Variants in HECTD4 observed in about 807,000 individuals in gnomAD.
HECTD4 encodes the protein probable E3 ubiquitin-protein ligase HECTD4.
In HECTD4, 114 loss-of-function variants were observed where a neutral mutation model predicts 471.5. That is an observed-to-expected ratio of 0.24 (90% CI 0.21 to 0.28). The LOEUF is 0.28. Ranked by LOEUF, HECTD4 falls within the 10% of genes least tolerant of loss-of-function variation. The pLI, the probability that HECTD4 is intolerant of heterozygous loss-of-function variation, is 1.00. For missense variants in HECTD4, 3,866 were observed against 5,651.5 expected, an observed-to-expected ratio of 0.68 and a Z score of 10.13; for synonymous variants, 2,012 against 2,256.0, an observed-to-expected ratio of 0.89 and a Z score of 3.07.
rs1446389033 is a variant in HECTD4 at position 112,228,074 on chromosome 12, G to T, written c.6854+15C>A. 3.1e-6 allele frequency: 5 copies of T among 1,596,398 alleles called. No homozygotes were observed. In the Admixed American group the frequency reaches 5.2e-5, roughly 17 times the overall value. On this transcript the variant is annotated intron_variant, in intron 43 of 75. Transcript: ENST00000682272. This position sits in a 1 kb window ranked among gnomAD's most constrained non-coding sequence, Gnocchi z 4.9. ...ACCATGTCAGCACATAAGGCAATGT[G>T]GGGAGGGTACTCACCTTGTCCTTAT...
At chr12:112,260,738 G>A (rs971738808) in intron 18 of HECTD4, among the ~76,000 whole-genome samples, 1 of 148,582 alleles carries the variant, frequency 6.7e-6, no homozygotes, top group South Asian at 2.1e-4. Flanking sequence ...CACCATGCCT[G>A]GCTAATTTTT....
At position 112,247,455 on chromosome 12, in the gene HECTD4, G is replaced by A. The variant is rs185099340; in HGVS notation, c.4337+7C>T. On this transcript the variant is annotated splice_region_variant and intron_variant, in intron 28 of 75. Transcript: ENST00000682272. ...TAATAGCCTTAATAGTTATTAATAC[G>A]ACTAACCTCAGTGATAGGACCATGT... 161 of 1,445,310 alleles carry A rather than the reference G, an allele frequency of 1.1e-4. No individual in the cohort carries two copies. Among genetic ancestry groups the A allele is most frequent in the Middle Eastern group, 1.0e-3 (6 of 5,722 alleles). 89.5% of individuals were successfully genotyped at this position (1,445,310 alleles called of 1,614,324 possible).
intron 9 of HECTD4, among the ~76,000 whole-genome samples, chr12:112,277,322 G>T (rs2034546386): frequency 6.6e-6 from 1 of 152,134 alleles, no homozygotes. Flanking sequence ...AGTTTAAAAA[G>T]CAGTCACAGA....
chr12:112,333,791 T>C (rs1334485074), intron 1 of HECTD4, among the ~76,000 whole-genome samples: 1 of 152,212 alleles, frequency 6.6e-6, no homozygotes, highest in East Asian at 1.9e-4. Context: ...CTAGAGGATG[T>C]TGGCAAACCA....
chr12:112,319,323 C>T lies in HECTD4; in HGVS notation c.597G>A (p.Leu199=), dbSNP rs955930763. The T allele has an allele frequency of 2.1e-5, 32 of 1,536,008 alleles. No individual in the cohort carries two copies. The highest frequency in any genetic ancestry group is 2.8e-5 in the Non-Finnish European group (32 of 1,146,918). ...CAGAAGTCTCCTCTAGCCAAGAGCA[C>T]AGCAAAGTTTCAATTCCATTGAGAC... ...ADCLNGIETL[L]CSWLEETSDT... Residue 199 remains leucine (L), a synonymous_variant, in exon 2 of 76, where the codon CTG becomes CTA. Transcript: ENST00000682272. The surrounding 1 kb of genome is among the most constrained non-coding windows in gnomAD (Gnocchi z 5.3).
rs2033914971 is a variant in HECTD4 at position 112,252,491 on chromosome 12, C to T, written c.3485G>A (p.Arg1162Lys). Residue 1162 changes from arginine (R) to lysine (K), a missense_variant, in exon 23 of 76, where the codon AGA (arginine) becomes AAA (lysine). Physicochemically the swap from Arg to Lys is conservative, Grantham distance 26. Coordinates refer to ENST00000682272, the MANE Select transcript of HECTD4 (RefSeq NM_001388303.1). ...GDTVTFSFEM[R>K]SGREHNTPDK... ...AGGAGTGTTGTGTTCACGGCCACTT[C>T]TCATTTCAAAGGAGAAGGTGACTGT... 6.2e-7 allele frequency: 1 copy of T among 1,613,138 alleles called. No homozygotes were observed. Among genetic ancestry groups the T allele is most frequent in the African/African-American group, 1.3e-5 (1 of 74,854 alleles).
At position 112,314,192 on chromosome 12, in the gene HECTD4, C is replaced by A. The variant is rs535849736; in HGVS notation, c.785+265G>T. Among the ~76,000 whole-genome samples, 167 of 152,182 alleles carry A rather than the reference C, an allele frequency of 1.1e-3. 1 individual carries two copies. In the South Asian group the frequency reaches 0.015, roughly 13 times the overall value. Reference sequence around the variant, plus strand: ...TAGCTGGGACCACAGGCACGCACCACCACACTCATGAGTTATTATGCCCCA... The same window carrying A: ...TAGCTGGGACCACAGGCACGCACCAACACACTCATGAGTTATTATGCCCCA... On this transcript the variant is annotated intron_variant, in intron 3 of 75. Coordinates refer to ENST00000682272, the MANE Select transcript of HECTD4 (RefSeq NM_001388303.1).
At position 112,184,292 on chromosome 12, in the gene HECTD4, A is replaced by G. The variant is rs1217169952; in HGVS notation, c.10674T>C (p.Asn3558=). The G allele has an allele frequency of 6.2e-7, 1 of 1,613,486 alleles. No individual in the cohort carries two copies. Among genetic ancestry groups the G allele is most frequent in the Admixed American group, 1.7e-5 (1 of 60,020 alleles). The change falls in exon 61 of 76, where the codon AAT becomes AAC. Residue 3558 remains asparagine (N), a synonymous_variant. Coordinates refer to ENST00000682272, the MANE Select transcript of HECTD4 (RefSeq NM_001388303.1). The surrounding 1 kb of genome is among the most constrained non-coding windows in gnomAD (Gnocchi z 9.1). ...TGTCCGACACCGAGGCCGTCTCTGCATTGTCCAGGGGCTCCCCCAGGCTGC... is the reference window on the plus strand; with the variant it reads ...TGTCCGACACCGAGGCCGTCTCTGCGTTGTCCAGGGGCTCCCCCAGGCTGC... The part of the protein sequence containing the change: ...SLGSLGEPLD[N]AETASVSDMG...
intron 1 of HECTD4, among the ~76,000 whole-genome samples, chr12:112,345,378 C>T (rs1358857477): frequency 6.6e-6 from 1 of 151,984 alleles, no homozygotes; most frequent in Non-Finnish European, 1.5e-5. Flanking sequence ...CTCCTGTCTA[C>T]AAAAACAAAC....
At chr12:112,178,082 CT>C (rs373048565) in intron 64 of HECTD4, among the ~76,000 whole-genome samples, 14 of 151,928 alleles carry the variant, frequency 9.2e-5, no homozygotes, top group South Asian at 4.1e-4. Context: ...TTTTCTTTTT[CT>C]TTTTTTTGAG....
chr12:112,199,000 C>T (rs1048812692), intron 55 of HECTD4, among the ~76,000 whole-genome samples: 1 of 152,132 alleles, frequency 6.6e-6, no homozygotes, highest in African/African-American at 2.4e-5. Flanking sequence ...ATGCCTCTTG[C>T]TGGAATCCCT....
intron 14 of HECTD4, among the ~76,000 whole-genome samples, chr12:112,266,337 T>G (rs760754203): frequency 2.2e-4 from 33 of 152,242 alleles, no homozygotes; most frequent in Non-Finnish European, 2.9e-5. Context: ...AAATCACCAA[T>G]AAGTGATTAT....
At chr12:112,313,462 C>G (rs1191060897) in intron 3 of HECTD4, among the ~76,000 whole-genome samples, 1 of 147,546 alleles carries the variant, frequency 6.8e-6, no homozygotes, top group African/African-American at 2.5e-5. Context: ...CCACAGTCAC[C>G]TGCCACAATG....
intron 44 of HECTD4, among the ~76,000 whole-genome samples, chr12:112,224,850 G>A (rs2033191429): frequency 6.6e-6 from 1 of 152,054 alleles, no homozygotes. Flanking sequence ...TATATAAGAG[G>A]ATACCCAGAA....
intron 61 of HECTD4, among the ~76,000 whole-genome samples, chr12:112,183,659 A>G (rs2031753299): frequency 6.6e-6 from 1 of 152,242 alleles, no homozygotes; most frequent in South Asian, 2.1e-4. Flanking sequence ...AGAGTAATGC[A>G]TGTCAGTTCC....
Position 112,259,188 on chromosome 12 carries a change from T to C in HECTD4, c.2951A>G (p.His984Arg). Reference protein sequence around the residue: ...LLPVLLTSLMHPNLQTLIMAD... With the variant: ...LLPVLLTSLMRPNLQTLIMAD... ...CATGATCAGAGTCTGTAAATTTGGA[T>C]GCATCAAGGAGGTCAGTAACACTGG... The change falls in exon 19 of 76, where the codon CAT (histidine) becomes CGT (arginine). Residue 984 changes from histidine to arginine, a missense_variant. By Grantham distance (29) the His-to-Arg change is conservative. Transcript: ENST00000682272. 1.2e-6 allele frequency: 2 copies of C among 1,613,928 alleles called. No homozygotes were observed. Among genetic ancestry groups the C allele is most frequent in the Non-Finnish European group, 1.7e-6 (2 of 1,179,850 alleles).
At chr12:112,255,760 A>T (rs2033993685) in intron 21 of HECTD4, among the ~76,000 whole-genome samples, 1 of 152,216 alleles carries the variant, frequency 6.6e-6, no homozygotes, top group African/African-American at 2.4e-5. Flanking sequence ...AATTCTAAGT[A>T]GAAGAAAATG....
chr12:112,346,560 C>T (rs954062174), intron 1 of HECTD4, among the ~76,000 whole-genome samples: 2 of 152,192 alleles, frequency 1.3e-5, no homozygotes, highest in African/African-American at 4.8e-5. Context: ...AGATACTGCA[C>T]TCCAAGACAA....
chr12:112,356,680 C>T (rs999123992), intron 1 of HECTD4, among the ~76,000 whole-genome samples: 2 of 152,044 alleles, frequency 1.3e-5, no homozygotes, highest in Admixed American at 1.3e-4. Context: ...TCAAGTGATC[C>T]TCCCACCTCG....
Sources: gnomAD v4.1 joint callset for allele counts (sites outside exome capture counted in the v4.1 genomes callset) on GRCh38, gnomAD v4.1.1 for gene constraint, Gnocchi (gnomAD v3.1) non-coding constraint, MANE v1.5 for transcripts, NCBI Gene and HGNC (gene_info 2026-07-23, HGNC 2026-07-21) for gene names.